Variants in TBC1D8 observed in about 807,000 individuals in gnomAD.
The protein encoded by TBC1D8 is TBC1 domain family member 8, also known as BUB2-like protein 1.
In TBC1D8, 65 loss-of-function variants were observed where a neutral mutation model predicts 118.8. The ratio of observed to expected loss-of-function variants is 0.55; its 90% CI spans 0.45 to 0.67. The LOEUF (loss-of-function observed/expected upper bound fraction) is 0.67. Among genes scored for constraint, TBC1D8 ranks in the 30% least tolerant of loss-of-function variants. The pLI, the probability that TBC1D8 is intolerant of heterozygous loss-of-function variation, is 0.00. For synonymous variants in TBC1D8, 566 were observed against 595.8 expected (o/e 0.95, Z 0.73); for missense variants, 1,376 against 1,471.2 (o/e 0.94, Z 1.06).
chr2:101,090,191 A>C lies in TBC1D8; in HGVS notation c.283+18T>G. 6.2e-7 allele frequency: 1 copy of C among 1,606,260 alleles called. No homozygotes were observed. The highest frequency in any genetic ancestry group is 1.1e-5 in the South Asian group (1 of 89,884). ...TACACCTTAAGGTTTGGAACATTCCAACTGGAACAAAACTCACCAGTGGCT... is the reference window on the plus strand; with the variant it reads ...TACACCTTAAGGTTTGGAACATTCCCACTGGAACAAAACTCACCAGTGGCT... On this transcript the variant is annotated intron_variant, in intron 2 of 19. Coordinates refer to ENST00000409318, the MANE Select transcript of TBC1D8 (RefSeq NM_001330348.2).
At chr2:101,068,595 C>T (rs1683141614) in intron 2 of TBC1D8, 2 of 557,096 alleles carry the variant, frequency 3.6e-6, no homozygotes, top group Non-Finnish European at 6.5e-6. Context: ...ATGCACCAAG[C>T]AGCACAGGAT....
intron 3 of TBC1D8, 139 bp from the exon 4 acceptor site, chr2:101,054,475 C>T (rs11675221): frequency 0.3 from 236,150 of 793,142 alleles, 37,835 homozygotes; most frequent in Middle Eastern, 0.36. Flanking sequence ...ACACACCTGA[C>T]GAGGAGAATG....
chr2:101,083,631 G>A (rs1488326298), intron 2 of TBC1D8, among the ~76,000 whole-genome samples: 1 of 152,124 alleles, frequency 6.6e-6, no homozygotes, highest in East Asian at 1.9e-4. Flanking sequence ...TAGAAAAAAA[G>A]GAAAAAAACT....
chr2:101,077,634 C>T (rs1358533975), intron 2 of TBC1D8, among the ~76,000 whole-genome samples: 3 of 152,136 alleles, frequency 2.0e-5, no homozygotes, highest in Non-Finnish European at 4.4e-5. Flanking sequence ...GGTGCCAAGC[C>T]ATTCAAGAGA....
intron 2 of TBC1D8, among the ~76,000 whole-genome samples, chr2:101,080,522 A>G (rs1444872269): frequency 2.0e-5 from 3 of 152,174 alleles, no homozygotes; most frequent in East Asian, 1.9e-4. Flanking sequence ...GATGCCACCC[A>G]TGGTCAAGGG....
At chr2:101,119,356 T>C (rs922167536) in intron 1 of TBC1D8, among the ~76,000 whole-genome samples, 1 of 96,560 alleles carries the variant, frequency 1.0e-5, no homozygotes, top group Non-Finnish European at 2.1e-5. Flanking sequence ...GCTCCACACT[T>C]TACCTGGTAC....
At chr2:101,144,639 T>C (rs768289121) in intron 1 of TBC1D8, among the ~76,000 whole-genome samples, 19 of 152,318 alleles carry the variant, frequency 1.2e-4, no homozygotes, top group Non-Finnish European at 1.9e-4. Context: ...ACTTTCATTT[T>C]AAATAAATTC....
Position 101,067,255 on chromosome 2 carries a change from G to C in TBC1D8, c.284-7716C>G, listed in dbSNP as rs528669566. ...AAGGTAGACGTACAGCCATGACAAG[G>C]TACTATACTGGCCTTTAAGGCATTT... On this transcript the variant is annotated intron_variant, in intron 2 of 19. Coordinates refer to ENST00000409318, the MANE Select transcript of TBC1D8 (RefSeq NM_001330348.2). Among the ~76,000 whole-genome samples the C allele has an allele frequency of 3.2e-4, 49 of 152,302 alleles. No individual in the cohort carries two copies. The South Asian group carries it at 4.8e-3, about 15-fold the overall frequency.
At chr2:101,144,446 C>T (rs1447139542) in intron 1 of TBC1D8, among the ~76,000 whole-genome samples, 1 of 152,128 alleles carries the variant, frequency 6.6e-6, no homozygotes, top group Non-Finnish European at 1.5e-5. Context: ...AAAGTGCCAA[C>T]ATGCTGCAGG....
intron 2 of TBC1D8, among the ~76,000 whole-genome samples, chr2:101,089,506 G>A (rs935400900): frequency 6.6e-6 from 1 of 152,116 alleles, no homozygotes; most frequent in African/African-American, 2.4e-5. Flanking sequence ...AGAGGAACCT[G>A]AGTGGTTAGA....
chr2:101,032,704 C>T, intron 10 of TBC1D8: 1 of 243,940 alleles, frequency 4.1e-6, no homozygotes, highest in South Asian at 1.4e-4. Flanking sequence ...CACACATGCA[C>T]ACACGTGCAC....
chr2:101,063,831 T>TA (rs941897093), intron 2 of TBC1D8, among the ~76,000 whole-genome samples: 10 of 151,978 alleles, frequency 6.6e-5, no homozygotes, highest in Non-Finnish European at 1.0e-4. Context: ...AAATATTTGT[T>TA]AGAGTTATGC....
chr2:101,036,428 T>C (rs1460489154), intron 8 of TBC1D8, among the ~76,000 whole-genome samples: 2 of 152,034 alleles, frequency 1.3e-5, no homozygotes, highest in Non-Finnish European at 2.9e-5. Context: ...TAAAATACGA[T>C]TTCCTTAGCA....
At position 101,022,460 on chromosome 2, in the gene TBC1D8, G is replaced by A. The variant is rs1198178632; in HGVS notation, c.2582C>T (p.Pro861Leu). The A allele has an allele frequency of 2.5e-6, 4 of 1,609,138 alleles. No individual in the cohort carries two copies. The Admixed American group carries it at 6.9e-5, about 28-fold the overall frequency. The change falls in exon 16 of 20, where the codon CCC becomes CTC. Residue 861 changes from proline to leucine, a missense_variant. Physicochemically the swap from Pro to Leu is moderately conservative, Grantham distance 98. Coordinates refer to ENST00000409318, the MANE Select transcript of TBC1D8 (RefSeq NM_001330348.2). Reference sequence around the variant, plus strand: ...GTACTGCTCAGCATAGGGCCGGCTGGGGTCGTGGCGTGAGGCCATGGGCCT... The same window carrying A: ...GTACTGCTCAGCATAGGGCCGGCTGAGGTCGTGGCGTGAGGCCATGGGCCT... ...QPRPMASRHD[P>L]SRPYAEQYRI... is the part of the protein sequence containing the mutation.
chr2:101,151,282 C>A lies in TBC1D8; in HGVS notation c.-29G>T. 1 of 1,132,588 alleles carries A rather than the reference C, an allele frequency of 8.8e-7. No homozygotes were observed. The highest frequency in any genetic ancestry group is 1.1e-6 in the Non-Finnish European group (1 of 908,590). 70.2% of individuals were successfully genotyped at this position (1,132,588 alleles called of 1,614,324 possible). On this transcript the variant is annotated 5_prime_UTR_variant, in exon 1 of 20. Coordinates refer to ENST00000409318, the MANE Select transcript of TBC1D8 (RefSeq NM_001330348.2). ...GGCGGTCCGGCCGCGCCCGCCGGCC[C>A]CAGCTCACATCTCCCCGGCCGCCGG...
intron 17 of TBC1D8, chr2:101,017,830 T>C: frequency 6.5e-7 from 1 of 1,550,028 alleles, no homozygotes; most frequent in Non-Finnish European, 8.7e-7. Context: ...ATACTAACAG[T>C]GAAGCAGCTA....
At chr2:101,139,670 C>G (rs1370319001) in intron 1 of TBC1D8, among the ~76,000 whole-genome samples, 2 of 152,160 alleles carry the variant, frequency 1.3e-5, no homozygotes, top group Non-Finnish European at 2.9e-5. Context: ...CCAAAACAGA[C>G]TCTCGGAGGC....
intron 1 of TBC1D8, among the ~76,000 whole-genome samples, chr2:101,147,482 T>C (rs902825415): frequency 2.0e-5 from 3 of 152,204 alleles, no homozygotes; most frequent in African/African-American, 7.2e-5. Context: ...GTTTTTCCTT[T>C]GTCTTTTCAA....
chr2:101,029,733 A>C lies in TBC1D8; in HGVS notation c.1980T>G (p.Gly660=). ...TGTGCTCTGCCAGCTCTGGGAGATG[A>C]CCCTTGATGAGCTCCTCGAAGACAG... ...DQSVFEELIK[G]HLPELAEHMN... The change falls in exon 12 of 20, where the codon GGT becomes GGG. Residue 660 remains glycine (G), a synonymous_variant. Transcript: ENST00000409318. The C allele has an allele frequency of 6.2e-7, 1 of 1,613,932 alleles. No homozygotes were observed. Among genetic ancestry groups the C allele is most frequent in the Non-Finnish European group, 8.5e-7 (1 of 1,179,872 alleles).
Sources: gnomAD v4.1 joint callset for allele counts (sites outside exome capture counted in the v4.1 genomes callset) on GRCh38, gnomAD v4.1.1 for gene constraint, MANE v1.5 for transcripts, NCBI Gene and HGNC (gene_info 2026-07-23, HGNC 2026-07-21) for gene names.